The following SPMIP4 variants were observed in gnomAD, a reference collection of about 807,000 sequenced individuals.
The protein encoded by SPMIP4 is sperm-associated microtubule inner protein 4.
chr7:25,155,460 G>C, the SPMIP4 span, among the ~76,000 whole-genome samples: 1 of 152,130 alleles, frequency 6.6e-6, no homozygotes, highest in Non-Finnish European at 1.5e-5. Flanking sequence ...CTTTGTCAGT[G>C]AGTAAGTTTC....
chr7:25,179,371 C>A, the SPMIP4 span: 1 of 1,561,072 alleles, frequency 6.4e-7, no homozygotes, highest in South Asian at 1.2e-5. Flanking sequence ...CTTGTCGAGT[C>A]AAGGCAGGCA....
At chr7:25,178,164 T>C in the SPMIP4 span, among the ~76,000 whole-genome samples, 1 of 152,248 alleles carries the variant, frequency 6.6e-6, no homozygotes, top group Non-Finnish European at 1.5e-5. Context: ...CTGCATAGTA[T>C]TCCATGGTGT....
chr7:25,177,058 A>T, the SPMIP4 span, among the ~76,000 whole-genome samples: 1 of 152,272 alleles, frequency 6.6e-6, no homozygotes, highest in Non-Finnish European at 1.5e-5. Context: ...GGGAAGAACC[A>T]GAATCAGCAG....
At chr7:25,136,400 T>C in the SPMIP4 span, 2 of 1,614,112 alleles carry the variant, frequency 1.2e-6, no homozygotes, top group African/African-American at 2.7e-5. This position sits in a 1 kb window ranked among gnomAD's most constrained non-coding sequence, Gnocchi z 5.7. Context: ...GGTTGGGTTT[T>C]TAGTGACTGC....
chr7:25,141,443 G>T, the SPMIP4 span, among the ~76,000 whole-genome samples: 1 of 151,758 alleles, frequency 6.6e-6, no homozygotes, highest in African/African-American at 2.4e-5. Flanking sequence ...GTGGTGGTGC[G>T]TGCCTGTAAT....
the SPMIP4 span, among the ~76,000 whole-genome samples, chr7:25,126,851 C>T: frequency 6.6e-6 from 1 of 152,186 alleles, no homozygotes; most frequent in Non-Finnish European, 1.5e-5. Context: ...CTCCCTTTAG[C>T]ATTTCTTGTA....
the SPMIP4 span, among the ~76,000 whole-genome samples, chr7:25,171,519 G>C: frequency 1.3e-5 from 2 of 152,150 alleles, no homozygotes; most frequent in Admixed American, 1.3e-4. Flanking sequence ...TCAGTTTCCA[G>C]TAATGGCGGC....
At chr7:25,179,488 A>C in the SPMIP4 span, 1 of 492,000 alleles carries the variant, frequency 2.0e-6, no homozygotes, top group Non-Finnish European at 3.4e-6. Flanking sequence ...AGAGACCTAA[A>C]TAAGTTCTAT....
chr7:25,151,785 G>T, the SPMIP4 span: 1 of 612,546 alleles, frequency 1.6e-6, no homozygotes, highest in South Asian at 2.1e-5. Context: ...ATGGATGTTG[G>T]TGTACATTTT....
chr7:25,152,728 T>G, the SPMIP4 span, among the ~76,000 whole-genome samples: 2 of 134,610 alleles, frequency 1.5e-5, no homozygotes, highest in Non-Finnish European at 1.6e-5. Context: ...CCTCCCTCCC[T>G]CCCTCCCTTC....
the SPMIP4 span, among the ~76,000 whole-genome samples, chr7:25,171,334 A>C: frequency 6.6e-6 from 1 of 152,200 alleles, no homozygotes; most frequent in Non-Finnish European, 1.5e-5. Flanking sequence ...CACAGGAAGC[A>C]CTCAAATAAT....
chr7:25,136,213 T>A, the SPMIP4 span: 1 of 1,614,166 alleles, frequency 6.2e-7, no homozygotes, highest in Non-Finnish European at 8.5e-7. The surrounding 1 kb of genome is among the most constrained non-coding windows in gnomAD (Gnocchi z 5.7). Context: ...CAAGAACAAC[T>A]CTTCTTCTGG....
At chr7:25,161,904 G>T in the SPMIP4 span, among the ~76,000 whole-genome samples, 1 of 151,926 alleles carries the variant, frequency 6.6e-6, no homozygotes, top group African/African-American at 2.4e-5. Context: ...TTTTTCTTTG[G>T]TGGTAGGAAG....
chr7:25,168,222 CT>C, the SPMIP4 span: 1 of 1,379,592 alleles, frequency 7.2e-7, no homozygotes, highest in African/African-American at 1.5e-5. Flanking sequence ...AAACAAAGGA[CT>C]CACAATGGAA....
At chr7:25,136,169 G>T in the SPMIP4 span, 215 of 1,614,174 alleles carry the variant, frequency 1.3e-4, 1 homozygote, top group African/African-American at 2.6e-3. This position sits in a 1 kb window ranked among gnomAD's most constrained non-coding sequence, Gnocchi z 5.7. Context: ...ATCCAACCAA[G>T]AACAGGTCTT....
the SPMIP4 span, among the ~76,000 whole-genome samples, chr7:25,127,311 A>G: frequency 6.6e-6 from 1 of 152,138 alleles, no homozygotes; most frequent in Non-Finnish European, 1.5e-5. Flanking sequence ...CTTTATGGCC[A>G]GTAACTCTTA....
At chr7:25,135,898 C>T in the SPMIP4 span, 1 of 1,500,410 alleles carries the variant, frequency 6.7e-7, no homozygotes, top group East Asian at 2.3e-5. Context: ...CAGAATCCAG[C>T]AATACGAAGG....
the SPMIP4 span, among the ~76,000 whole-genome samples, chr7:25,160,541 C>T: frequency 5.9e-5 from 9 of 152,188 alleles, no homozygotes; most frequent in Non-Finnish European, 1.3e-4. Flanking sequence ...TCAGGTGATG[C>T]ACCCTCCTCA....
chr7:25,151,380 C>T, the SPMIP4 span, among the ~76,000 whole-genome samples: 2 of 152,124 alleles, frequency 1.3e-5, no homozygotes, highest in East Asian at 3.9e-4. Context: ...CACCACCACA[C>T]CCGGCTAATT....
Sources: gnomAD v4.1 joint callset for allele counts (sites outside exome capture counted in the v4.1 genomes callset) on GRCh38, gnomAD v4.1.1 for gene constraint, Gnocchi (gnomAD v3.1) non-coding constraint, MANE v1.5 for transcripts, NCBI Gene and HGNC (gene_info 2026-07-23, HGNC 2026-07-21) for gene names.